The following ATRNL1 variants were observed in gnomAD, a reference collection of about 807,000 sequenced individuals.
The protein encoded by ATRNL1 is attractin like 1, also known as attractin-like protein 1.
In ATRNL1, 95 loss-of-function variants were observed where a neutral mutation model predicts 182.7. The ratio of observed to expected loss-of-function variants is 0.52; its 90% CI spans 0.44 to 0.62. The LOEUF is 0.62. ATRNL1 is among the 20% of genes least tolerant of loss of function. ATRNL1 has a pLI of 0.00. For missense variants in ATRNL1, 1,471 were observed against 1,679.5 expected (o/e 0.88, Z 2.17); for synonymous variants, 576 against 568.3 (o/e 1.01, Z -0.19).
intron 9 of ATRNL1, among the ~76,000 whole-genome samples, chr10:115,223,642 G>A (rs1849556956): frequency 1.3e-5 from 2 of 151,766 alleles, no homozygotes; most frequent in South Asian, 4.2e-4. Flanking sequence ...CTTGATATTT[G>A]AGAGCATAAT....
intron 27 of ATRNL1, among the ~76,000 whole-genome samples, chr10:115,752,341 C>T (rs1380838616): frequency 6.6e-6 from 1 of 151,948 alleles, no homozygotes; most frequent in Non-Finnish European, 1.5e-5. Context: ...AAAGATTTTG[C>T]GCTCATTCAG....
intron 19 of ATRNL1, among the ~76,000 whole-genome samples, chr10:115,340,563 C>T (rs1855706959): frequency 7.8e-6 from 1 of 128,566 alleles, no homozygotes; most frequent in African/African-American, 3.0e-5. Flanking sequence ...GGAAGTATTT[C>T]CTTCTCCTCT....
intron 8 of ATRNL1, among the ~76,000 whole-genome samples, chr10:115,211,521 A>G (rs1161992407): frequency 6.6e-6 from 1 of 151,758 alleles, no homozygotes; most frequent in Non-Finnish European, 1.5e-5. Flanking sequence ...TGGCATGGAT[A>G]TCTTTGGGTT....
At chr10:115,232,190 T>C (rs1383574871) in intron 9 of ATRNL1, among the ~76,000 whole-genome samples, 1 of 152,202 alleles carries the variant, frequency 6.6e-6, no homozygotes, top group Non-Finnish European at 1.5e-5. Flanking sequence ...CAGCCTCATC[T>C]TACTAATTTG....
chr10:115,250,951 TATC>T (rs1304759737), intron 10 of ATRNL1, among the ~76,000 whole-genome samples: 2 of 152,210 alleles, frequency 1.3e-5, no homozygotes, highest in African/African-American at 4.8e-5. Flanking sequence ...GCGGAATTAA[TATC>T]ATCCTAAGGC....
intron 27 of ATRNL1, among the ~76,000 whole-genome samples, chr10:115,768,691 C>T (rs1479848806): frequency 1.3e-5 from 2 of 152,078 alleles, no homozygotes; most frequent in African/African-American, 2.4e-5. Flanking sequence ...TTCCTCCTAA[C>T]TGTAATTTAA....
intron 5 of ATRNL1, among the ~76,000 whole-genome samples, chr10:115,150,124 G>A (rs1846153798): frequency 6.6e-6 from 1 of 151,826 alleles, no homozygotes; most frequent in South Asian, 2.1e-4. Context: ...TTTCCAGTTT[G>A]TTAGTGTATA....
chr10:115,199,685 T>A (rs2144291756), intron 8 of ATRNL1, among the ~76,000 whole-genome samples: 1 of 152,278 alleles, frequency 6.6e-6, no homozygotes, highest in Admixed American at 6.5e-5. Context: ...GCAACGGAGT[T>A]GTGGAGACTT....
At chr10:115,786,675 T>C (rs1217794136) in intron 27 of ATRNL1, among the ~76,000 whole-genome samples, 1 of 152,204 alleles carries the variant, frequency 6.6e-6, no homozygotes, top group African/African-American at 2.4e-5. Context: ...TCTGAGATTC[T>C]GGATGGACAA....
chr10:115,457,296 A>G (rs907418442), intron 21 of ATRNL1, among the ~76,000 whole-genome samples: 1 of 151,984 alleles, frequency 6.6e-6, no homozygotes, highest in South Asian at 2.1e-4. Context: ...ATTGGTCCAT[A>G]GGTGGTCTTG....
chr10:115,252,120 G>A (rs1024010477), intron 10 of ATRNL1, among the ~76,000 whole-genome samples: 3 of 152,002 alleles, frequency 2.0e-5, no homozygotes, highest in East Asian at 1.9e-4. Flanking sequence ...TCTGTCTCCC[G>A]GGTTCAAGCA....
At chr10:115,741,886 A>G (rs1555067746) in intron 27 of ATRNL1, among the ~76,000 whole-genome samples, 1 of 152,184 alleles carries the variant, frequency 6.6e-6, no homozygotes, top group Non-Finnish European at 1.5e-5. Flanking sequence ...AAAGATTCAA[A>G]TGACAGGCTG....
rs190626861 is a variant in ATRNL1, at chr10:115,443,647, C to T, written c.3322+17345C>T. Among the ~76,000 whole-genome samples the T allele has an allele frequency of 1.7e-3, 251 of 151,698 alleles. 1 individual carries two copies. The highest frequency in any genetic ancestry group is 5.9e-3 in the African/African-American group (245 of 41,424). On this transcript the variant is annotated intron_variant, in intron 21 of 28. Transcript: ENST00000355044. ...TTTTTTTGAAATTCTTTTATAAAACCACAGTGTTTTGATATTCTCTAGACT... is the reference window on the plus strand; with the variant it reads ...TTTTTTTGAAATTCTTTTATAAAACTACAGTGTTTTGATATTCTCTAGACT...
intron 25 of ATRNL1, among the ~76,000 whole-genome samples, chr10:115,541,814 G>A (rs1554992068): frequency 6.6e-6 from 1 of 152,112 alleles, no homozygotes; most frequent in African/African-American, 2.4e-5. Context: ...AAATGTGATA[G>A]TTCCTTTTGA....
chr10:115,786,277 A>C (rs1243384629), intron 27 of ATRNL1, among the ~76,000 whole-genome samples: 1 of 152,110 alleles, frequency 6.6e-6, no homozygotes, highest in Non-Finnish European at 1.5e-5. Context: ...TTGGTATCAA[A>C]ATGTGTGTCA....
At chr10:115,822,075 C>T (rs145163783) in intron 27 of ATRNL1, among the ~76,000 whole-genome samples, 2,473 of 152,284 alleles carry the variant, frequency 0.016, 83 homozygotes, top group African/African-American at 0.057. Flanking sequence ...TCATAACAAA[C>T]AGTCTCTTAG....
intron 26 of ATRNL1, among the ~76,000 whole-genome samples, chr10:115,690,499 T>G (rs1946356148): frequency 6.6e-6 from 1 of 152,166 alleles, no homozygotes; most frequent in Admixed American, 6.5e-5. Flanking sequence ...CATCTCTTGC[T>G]GTGTGGCCTG....
chr10:115,741,054 C>A (rs1169195203), intron 27 of ATRNL1, among the ~76,000 whole-genome samples: 2 of 152,016 alleles, frequency 1.3e-5, no homozygotes, highest in African/African-American at 4.8e-5. Flanking sequence ...ATACTATGAA[C>A]AATTGTCTCC....
chr10:115,685,507 C>G (rs1220499963), intron 26 of ATRNL1, among the ~76,000 whole-genome samples: 2 of 151,840 alleles, frequency 1.3e-5, no homozygotes, highest in African/African-American at 4.8e-5. Flanking sequence ...GTCATCATCA[C>G]TAGTCTGTGA....
Sources: gnomAD v4.1 joint callset for allele counts (sites outside exome capture counted in the v4.1 genomes callset) on GRCh38, gnomAD v4.1.1 for gene constraint, MANE v1.5 for transcripts, NCBI Gene and HGNC (gene_info 2026-07-23, HGNC 2026-07-21) for gene names.